Variants in ARHGDIB observed in about 807,000 individuals in gnomAD.
ARHGDIB encodes Rho GDP dissociation inhibitor beta.
A neutral mutation model predicts 22.6 loss-of-function variants in ARHGDIB; 20 were observed. The ratio of observed to expected loss-of-function variants is 0.88; its 90% confidence interval spans 0.62 to 1.28. The LOEUF (loss-of-function observed/expected upper bound fraction) is 1.28, where lower values mean the gene tolerates loss of function less well. Ranked by LOEUF, ARHGDIB falls within the 50% of genes most tolerant of loss-of-function variation. ARHGDIB has a pLI of 0.00. For synonymous variants in ARHGDIB, 114 were observed against 96.1 expected, an observed-to-expected ratio of 1.19 and a Z score of -1.09; for missense variants, 254 against 245.4, an observed-to-expected ratio of 1.04 and a Z score of -0.23.
intron 4 of ARHGDIB, among the ~76,000 whole-genome samples, chr12:14,947,391 A>G (rs1864043311): frequency 6.6e-6 from 1 of 152,196 alleles, no homozygotes; most frequent in Non-Finnish European, 1.5e-5. Context: ...TCCTTGAGCA[A>G]TTAGAGCTGA....
At chr12:14,959,618 GCT>G (rs1289364947) in intron 1 of ARHGDIB, among the ~76,000 whole-genome samples, 1 of 152,066 alleles carries the variant, frequency 6.6e-6, no homozygotes, top group Admixed American at 6.6e-5. Flanking sequence ...CATGTACTGT[GCT>G]CTCCCAAATC....
chr12:14,959,362 A>AGGCACGCACCACC lies in ARHGDIB; in HGVS notation c.-13+2162_-13+2174dup, dbSNP rs1864365770. Among the ~76,000 whole-genome samples the AGGCACGCACCACC allele has an allele frequency of 2.7e-5, 4 of 150,190 alleles. No homozygotes were observed. The South Asian group carries it at 8.7e-4, about 33-fold the overall frequency. The stretch of plus-strand genomic sequence containing the variant: ...GAGCCTCCTGAGTAGGTAGGACCAC[A>AGGCACGCACCACC]GGCACGCACCACCATGCCCTGTGAA... On this transcript the variant is annotated intron_variant, in intron 1 of 5. Transcript: ENST00000228945.
In ARHGDIB at chr12:14,942,420, T is replaced by G; in HGVS notation, c.*102A>C. 1 of 1,273,518 alleles carries G rather than the reference T, an allele frequency of 7.9e-7. No homozygotes were observed. 78.9% of individuals were successfully genotyped at this position (1,273,518 alleles called of 1,614,324 possible). On this transcript the variant is annotated 3_prime_UTR_variant, in exon 6 of 6. Coordinates refer to ENST00000228945, the MANE Select transcript of ARHGDIB (RefSeq NM_001175.7). ...GCATCAATAAGGAAATGTGGCAGTGTTGAAGAGGGACCCAGCTGTGGACAG... is the reference window on the plus strand; with the variant it reads ...GCATCAATAAGGAAATGTGGCAGTGGTGAAGAGGGACCCAGCTGTGGACAG...
chr12:14,953,883 GTCTCTCTCTCTCCCTTCTTTCTTTC>G (rs1864239600), intron 1 of ARHGDIB, among the ~76,000 whole-genome samples: 1 of 140,490 alleles, frequency 7.1e-6, no homozygotes, highest in Non-Finnish European at 1.6e-5. Flanking sequence ...TTCTTTCTTT[GTCTCTCTCTCTCCCTTCTTTCTTTC>G]TCTCTCTCTC....
Position 14,948,100 on chromosome 12 carries a change from G to GCACACA in ARHGDIB, c.266-157_266-152dup, listed in dbSNP as rs56206040. 4,158 of 436,960 alleles carry GCACACA rather than the reference G, an allele frequency of 9.5e-3. 26 individuals carry two copies. Among genetic ancestry groups the GCACACA allele is most frequent in the Admixed American group, 0.02 (544 of 27,258 alleles). 27.1% of individuals were successfully genotyped at this position (436,960 alleles called of 1,614,324 possible). On this transcript the variant is annotated intron_variant, in intron 3 of 5. Coordinates refer to ENST00000228945, the MANE Select transcript of ARHGDIB (RefSeq NM_001175.7). Reference sequence around the variant, plus strand: ...CACAGAGTATTTGAGTTTAGTCCTTGCACACACACACACACACACACACAC... The same window carrying GCACACA: ...CACAGAGTATTTGAGTTTAGTCCTTGCACACACACACACACACACACACACACACAC...
rs538786336 is a variant in ARHGDIB, at chr12:14,946,559, G to A, written c.342+1314C>T. On this transcript the variant is annotated intron_variant, in intron 4 of 5. Transcript: ENST00000228945. ...TTCAACTTTACGTAGGTTACCCAGA[G>A]AGCCATCAAACCTCTGAATTAGAGA... 2.4e-4 allele frequency among the ~76,000 whole-genome samples: 36 copies of A among 152,276 alleles called. No individual in the cohort carries two copies. In the South Asian group the frequency reaches 6.8e-3, roughly 29 times the overall value.
At chr12:14,960,847 C>T (rs1864396740) in intron 1 of ARHGDIB, among the ~76,000 whole-genome samples, 2 of 152,188 alleles carry the variant, frequency 1.3e-5, no homozygotes, top group South Asian at 4.1e-4. Context: ...GCCCATCCGA[C>T]TGCAGGAATT....
chr12:14,946,953 T>C (rs116582878), intron 4 of ARHGDIB, among the ~76,000 whole-genome samples: 2,777 of 152,300 alleles, frequency 0.018, 91 homozygotes, highest in African/African-American at 0.061. Context: ...AGAGTAGGCA[T>C]CAACAAATAT....
chr12:14,950,674 A>G lies in ARHGDIB; in HGVS notation c.39T>C (p.Asp13=), dbSNP rs200105682. 348 of 1,613,392 alleles carry G rather than the reference A, an allele frequency of 2.2e-4. No individual in the cohort carries two copies. Among genetic ancestry groups the G allele is most frequent in the Non-Finnish European group, 2.8e-4 (332 of 1,179,802 alleles). ...GCTTGCTGTCCAGCTCATCATCGTC[A>G]TCCTCCTCCACATGTGGCTCTGGGG... is the stretch of plus-strand genomic sequence containing the variant. ...EKAPEPHVEE[D]DDDELDSKLN... is the part of the protein sequence containing the mutation. Residue 13 remains aspartate (D), a synonymous_variant, in exon 2 of 6, where the codon GAT becomes GAC. Coordinates refer to ENST00000228945, the MANE Select transcript of ARHGDIB (RefSeq NM_001175.7).
At chr12:14,950,494 G>T in intron 2 of ARHGDIB, 38 bp downstream of exon 2, 2 of 1,553,424 alleles carry the variant, frequency 1.3e-6, no homozygotes. Context: ...TTCCCTCTCA[G>T]CGATCTTCCA....
intron 1 of ARHGDIB, among the ~76,000 whole-genome samples, chr12:14,954,748 G>A (rs762999857): frequency 5.3e-5 from 8 of 152,158 alleles, no homozygotes; most frequent in Non-Finnish European, 8.8e-5. Context: ...TTTCACCTGT[G>A]AATATGAGAG....
intron 2 of ARHGDIB, 89 bp from the exon 3 acceptor site, chr12:14,949,974 A>G: frequency 8.6e-7 from 1 of 1,157,680 alleles, no homozygotes; most frequent in African/African-American, 1.6e-5. Flanking sequence ...AGAGTATGAA[A>G]ATAAAAGTGA....
intron 1 of ARHGDIB, among the ~76,000 whole-genome samples, chr12:14,951,883 T>C (rs2120730282): frequency 6.6e-6 from 1 of 152,088 alleles, no homozygotes. Flanking sequence ...TTGCCCAGGT[T>C]CACACAGCTG....
chr12:14,952,634 T>C lies in ARHGDIB; in HGVS notation c.-12-1910A>G, dbSNP rs181482372. Among the ~76,000 whole-genome samples the C allele has an allele frequency of 1.5e-4, 23 of 151,484 alleles. No homozygotes were observed. In the East Asian group the frequency reaches 4.3e-3, roughly 28 times the overall value. On this transcript the variant is annotated intron_variant, in intron 1 of 5. Coordinates refer to ENST00000228945, the MANE Select transcript of ARHGDIB (RefSeq NM_001175.7). ...ATGTTGTAGGTTGTGGGAAATTTAA[T>C]GACATTCATTAAGGGGCAAATGAAG...
At chr12:14,953,273 T>C (rs1039610713) in intron 1 of ARHGDIB, among the ~76,000 whole-genome samples, 1 of 152,166 alleles carries the variant, frequency 6.6e-6, no homozygotes, top group African/African-American at 2.4e-5. Flanking sequence ...ATCATTTGGT[T>C]TAATTATAGC....
At chr12:14,953,459 T>C (rs1592293363) in intron 1 of ARHGDIB, among the ~76,000 whole-genome samples, 2 of 152,188 alleles carry the variant, frequency 1.3e-5, no homozygotes, top group South Asian at 4.1e-4. Context: ...TACAAGACAC[T>C]GTACTTCAGC....
chr12:14,944,457 T>C (rs1863961003), intron 5 of ARHGDIB, among the ~76,000 whole-genome samples: 1 of 152,144 alleles, frequency 6.6e-6, no homozygotes, highest in Admixed American at 6.5e-5. Context: ...TTTTTGGTTG[T>C]TTACTTTGTA....
chr12:14,950,562 T>G lies in ARHGDIB; in HGVS notation c.151A>C (p.Thr51Pro), dbSNP rs1196900480. The G allele has an allele frequency of 1.2e-6, 2 of 1,613,712 alleles. No individual in the cohort carries two copies. Among genetic ancestry groups the G allele is most frequent in the Non-Finnish European group, 1.7e-6 (2 of 1,179,860 alleles). Residue 51 changes from threonine (T) to proline (P), a missense_variant, in exon 2 of 6, where the codon ACG becomes CCG. By Grantham distance (38) the Thr-to-Pro change is conservative (BLOSUM62 -1). Coordinates refer to ENST00000228945, the MANE Select transcript of ARHGDIB (RefSeq NM_001175.7). ...ACCACAGGACCATCTCCCAGCAGCG[T>G]TTTCTTGTACTTAATTAGACTCTCA... ...DDESLIKYKK[T>P]LLGDGPVVTD...
In ARHGDIB at chr12:14,943,183, A is replaced by T. The variant is rs183187917; in HGVS notation, c.407-462T>A. On this transcript the variant is annotated intron_variant, in intron 5 of 5. Coordinates refer to ENST00000228945, the MANE Select transcript of ARHGDIB (RefSeq NM_001175.7). Reference sequence around the variant, plus strand: ...GCACCTGGCCCTGAGGCATCTTTTTAAAAAAATTATTCTTTAAAACATTTT... The same window carrying T: ...GCACCTGGCCCTGAGGCATCTTTTTTAAAAAATTATTCTTTAAAACATTTT... Among the ~76,000 whole-genome samples the T allele has an allele frequency of 7.4e-3, 1,122 of 152,220 alleles. 7 individuals carry two copies. The highest frequency in any genetic ancestry group is 0.01 in the African/African-American group (428 of 41,538).
Sources: gnomAD v4.1 joint callset for allele counts (sites outside exome capture counted in the v4.1 genomes callset) on GRCh38, gnomAD v4.1.1 for gene constraint, MANE v1.5 for transcripts, NCBI Gene and HGNC (gene_info 2026-07-23, HGNC 2026-07-21) for gene names.